PDE1C: variants seen among roughly 807,000 people sequenced by gnomAD.
PDE1C encodes phosphodiesterase 1C, also known as dual specificity calcium/calmodulin-dependent 3',5'-cyclic nucleotide phosphodiesterase 1C.
In PDE1C, 62 loss-of-function variants were observed where a neutral mutation model predicts 93.1. That is an observed-to-expected ratio of 0.67 (90% CI 0.54 to 0.82). The LOEUF is 0.82. Ranked by LOEUF, PDE1C falls within the 40% of genes least tolerant of loss-of-function variation. The probability of loss-of-function intolerance (pLI) is 0.00; values close to 1 mark genes in which losing one functional copy is unlikely to be tolerated. For synonymous variants in PDE1C, 325 were observed against 310.1 expected (o/e 1.05, Z -0.50); for missense variants, 742 against 884.6 (o/e 0.84, Z 2.04).
chr7:31,798,743 G>A (rs897972306), intron 16 of PDE1C, among the ~76,000 whole-genome samples: 3 of 151,688 alleles, frequency 2.0e-5, no homozygotes, highest in African/African-American at 7.3e-5. Context: ...TCAAATATGA[G>A]TGTGCTGAAG....
At chr7:32,011,819 TTAGGTATCTCTTCTAGAGAAGAG>T (rs1157448034) in intron 2 of PDE1C, among the ~76,000 whole-genome samples, 1 of 152,198 alleles carries the variant, frequency 6.6e-6, no homozygotes, top group Non-Finnish European at 1.5e-5. Flanking sequence ...CATTCCACTT[TTAGGTATCTCTTCTAGAGAAGAG>T]AAAGCCTATA....
intron 1 of PDE1C, among the ~76,000 whole-genome samples, chr7:32,064,877 C>G (rs1795199929): frequency 6.6e-6 from 1 of 152,242 alleles, no homozygotes; most frequent in South Asian, 2.1e-4. Context: ...TCCAGCATCA[C>G]CTCTCATGAC....
the PDE1C span, among the ~76,000 whole-genome samples, chr7:31,659,763 C>T: frequency 6.6e-6 from 1 of 152,278 alleles, no homozygotes; most frequent in East Asian, 1.9e-4. Context: ...GTGTGGCCTT[C>T]TGCAAAACAC....
At chr7:31,980,118 C>T (rs1812185799) in intron 2 of PDE1C, among the ~76,000 whole-genome samples, 1 of 152,188 alleles carries the variant, frequency 6.6e-6, no homozygotes, top group Non-Finnish European at 1.5e-5. Context: ...ACTGGTCTTC[C>T]AGCCAAACTG....
At chr7:31,675,323 T>C in the PDE1C span, among the ~76,000 whole-genome samples, 2 of 152,186 alleles carry the variant, frequency 1.3e-5, no homozygotes, top group African/African-American at 4.8e-5. Flanking sequence ...AGTTTCATGA[T>C]TTCTGGGAGT....
the PDE1C span, among the ~76,000 whole-genome samples, chr7:31,620,927 T>G: frequency 6.6e-6 from 1 of 151,964 alleles, no homozygotes; most frequent in Non-Finnish European, 1.5e-5. Context: ...CTGATGGAGC[T>G]GAAAGCCAAG....
At chr7:32,403,305 G>A (rs1049278088) in intron 1 of PDE1C, among the ~76,000 whole-genome samples, 1 of 152,146 alleles carries the variant, frequency 6.6e-6, no homozygotes, top group Admixed American at 6.5e-5. Flanking sequence ...TGACTTTAAG[G>A]CATCATTTAT....
At chr7:32,022,143 T>C (rs1788768874) in intron 2 of PDE1C, among the ~76,000 whole-genome samples, 1 of 144,868 alleles carries the variant, frequency 6.9e-6, no homozygotes. Flanking sequence ...GAGAAAAAAA[T>C]GAACAGAGGG....
Position 32,359,175 on chromosome 7 carries a change from T to C in PDE1C, c.310+68647A>G, listed in dbSNP as rs146037729. On this transcript the variant is annotated intron_variant, in intron 1 of 1. Transcript: ENST00000672256. ...TTAGCAAGAATTTCTCTACCCTTGA[T>C]GTCTCTTCCTAGTAACTTTTCATCC... 4.4e-4 allele frequency among the ~76,000 whole-genome samples: 67 copies of C among 152,318 alleles called. 1 individual carries two copies. The East Asian group carries it at 0.01, about 24-fold the overall frequency.
chr7:31,618,955 A>C, the PDE1C span, among the ~76,000 whole-genome samples: 8 of 152,332 alleles, frequency 5.3e-5, no homozygotes, highest in African/African-American at 1.9e-4. Flanking sequence ...TAGGTGACTC[A>C]AAGCATTCTA....
At position 32,374,256 on chromosome 7, in the gene PDE1C, G is replaced by A. The variant is rs150785696; in HGVS notation, c.310+53566C>T. Among the ~76,000 whole-genome samples the A allele has an allele frequency of 4.1e-3, 464 of 113,260 alleles. 2 individuals are homozygous for A. The highest frequency in any genetic ancestry group is 8.2e-3 in the African/African-American group (237 of 28,814). The allele number at this position is 113,260 out of a possible 152,430, so 74.3% of individuals were successfully genotyped here. A position where few individuals can be genotyped will look rare whatever the true frequency, so the allele number is the denominator to read the frequency against. On this transcript the variant is annotated intron_variant, in intron 1 of 1. Transcript: ENST00000672256. ...AAAGAAAGAAGGAAGGAAAGGAAAG[G>A]AAGAAAGAAAGAAAGAAAGAAAGAA...
intron 1 of PDE1C, among the ~76,000 whole-genome samples, chr7:32,396,195 G>A (rs148760335): frequency 6.6e-6 from 1 of 152,160 alleles, no homozygotes; most frequent in Non-Finnish European, 1.5e-5. Flanking sequence ...AAATGGATAT[G>A]TAGCCAGGTG....
intron 2 of PDE1C, among the ~76,000 whole-genome samples, chr7:31,940,942 T>C (rs1044299805): frequency 3.3e-5 from 5 of 151,884 alleles, no homozygotes; most frequent in Non-Finnish European, 7.4e-5. Context: ...AGACCAAGTG[T>C]ACACCTTCCA....
the PDE1C span, among the ~76,000 whole-genome samples, chr7:31,712,399 C>T: frequency 6.6e-6 from 1 of 152,240 alleles, no homozygotes; most frequent in East Asian, 1.9e-4. Flanking sequence ...TGATAATAGA[C>T]TAGATAGTCG....
the PDE1C span, among the ~76,000 whole-genome samples, chr7:31,713,410 T>C: frequency 1.3e-5 from 2 of 152,136 alleles, no homozygotes; most frequent in Admixed American, 6.5e-5. Context: ...CTTTGCAGGG[T>C]ATAGTCCCCC....
At chr7:32,347,145 C>A (rs1365769189) in intron 1 of PDE1C, among the ~76,000 whole-genome samples, 1 of 152,194 alleles carries the variant, frequency 6.6e-6, no homozygotes, top group Non-Finnish European at 1.5e-5. Context: ...AATCCACCCA[C>A]ACATCTAGCC....
chr7:32,253,987 A>T (rs1224271783), intron 1 of PDE1C, among the ~76,000 whole-genome samples: 1 of 152,184 alleles, frequency 6.6e-6, no homozygotes, highest in African/African-American at 2.4e-5. Flanking sequence ...AAACGTAGGC[A>T]GCTCACTACT....
chr7:32,339,723 G>A (rs1783709979), intron 1 of PDE1C, among the ~76,000 whole-genome samples: 1 of 152,074 alleles, frequency 6.6e-6, no homozygotes, highest in African/African-American at 2.4e-5. Context: ...GAGCTCATGG[G>A]AATACAGAAC....
At chr7:32,112,777 TTACATATAAAACATATATA>T (rs1798715392) in intron 3 of PDE1C, among the ~76,000 whole-genome samples, 1 of 150,134 alleles carries the variant, frequency 6.7e-6, no homozygotes, top group Non-Finnish European at 1.5e-5. Context: ...GCTTTCTTGA[TTACATATAAAACATATATA>T]TACATATATG....
Sources: gnomAD v4.1 joint callset for allele counts (sites outside exome capture counted in the v4.1 genomes callset) on GRCh38, gnomAD v4.1.1 for gene constraint, MANE v1.5 for transcripts, NCBI Gene and HGNC (gene_info 2026-07-23, HGNC 2026-07-21) for gene names.